Variants in CHSY3 observed in about 807,000 individuals in gnomAD.
CHSY3 encodes the protein chondroitin sulfate synthase 3.
CHSY3 carries 35 observed loss-of-function variants against 67.2 expected under a neutral mutation model. The observed-to-expected ratio is 0.52, with a 90% CI of 0.40 to 0.69. The LOEUF is 0.69. Ranked by LOEUF, CHSY3 falls within the 30% of genes least tolerant of loss-of-function variation. The pLI is 0.00. For missense variants in CHSY3, 1,069 were observed against 1,138.5 expected (o/e 0.94, Z 0.88); for synonymous variants, 474 against 434.7 (o/e 1.09, Z -1.12).
intron 2 of CHSY3, among the ~76,000 whole-genome samples, chr5:129,943,507 G>T (rs189864733): frequency 7.2e-5 from 11 of 152,144 alleles, no homozygotes; most frequent in Admixed American, 6.5e-4. Flanking sequence ...TATTATTATT[G>T]TCAGATATAA....
intron 2 of CHSY3, among the ~76,000 whole-genome samples, chr5:130,046,410 G>A (rs1437932275): frequency 2.0e-5 from 3 of 152,058 alleles, no homozygotes; most frequent in Non-Finnish European, 4.4e-5. Flanking sequence ...AGTTATTAAG[G>A]TGCTTCAAAA....
chr5:130,185,046 T>C lies in CHSY3; in HGVS notation c.1904T>C (p.Leu635Ser), dbSNP rs766510866. 6.3e-7 allele frequency: 1 copy of C among 1,592,664 alleles called. No homozygotes were observed. The highest frequency in any genetic ancestry group is 2.2e-5 in the East Asian group (1 of 44,726). The change falls in exon 3 of 3, where the codon TTG (leucine) becomes TCG (serine). Residue 635 changes from leucine (L) to serine (S), a missense_variant. Leu to Ser is a moderately radical substitution (Grantham distance 145, BLOSUM62 -2). This residue lies in a region of CHSY3 where 401 missense variants were observed against 395.2 expected (regional missense o/e 1.01). Transcript: ENST00000305031. ...CTCATCGGAAGGTATGACATTTTCT[T>C]GAGATTCATGGAGAACTTTGAAAAC... Reference protein sequence around the residue: ...VPLIGRYDIFLRFMENFENMC... With the variant: ...VPLIGRYDIFSRFMENFENMC...
At chr5:129,922,142 G>C (rs144398346) in intron 2 of CHSY3, among the ~76,000 whole-genome samples, 2 of 152,142 alleles carry the variant, frequency 1.3e-5, no homozygotes, top group African/African-American at 4.8e-5. Context: ...TGTTCTATCC[G>C]TGTTGTTGCA....
At chr5:130,149,363 C>A (rs1769168219) in intron 2 of CHSY3, among the ~76,000 whole-genome samples, 2 of 152,114 alleles carry the variant, frequency 1.3e-5, no homozygotes, top group African/African-American at 4.8e-5. Context: ...CTGAGGAGGC[C>A]TCTGTAAACT....
Position 130,185,448 on chromosome 5 carries a change from CA to C in CHSY3, c.2312del (p.Lys771ArgfsTer21). ...CCCACTGATGATTACTTCATATTCT[CA>C]AAAAAGACTGGATTTTGGAGAGACT... ...NPPTDDYFIFSKKTGFWRDYG... is the reference protein window; with the variant it reads ...NPPTDDYFIFXKKTGFWRDYG... On this transcript the variant is annotated frameshift_variant, in exon 3 of 3. Coordinates refer to ENST00000305031, the MANE Select transcript of CHSY3 (RefSeq NM_175856.5). LOFTEE classifies it high-confidence loss of function. 6.2e-7 allele frequency: 1 copy of C among 1,613,838 alleles called. No homozygotes were observed. Among genetic ancestry groups the C allele is most frequent in the Non-Finnish European group, 8.5e-7 (1 of 1,179,862 alleles).
chr5:130,181,135 T>TTGC (rs948540981), intron 2 of CHSY3, among the ~76,000 whole-genome samples: 1 of 152,148 alleles, frequency 6.6e-6, no homozygotes, highest in African/African-American at 2.4e-5. Flanking sequence ...CTGGTGTTCA[T>TTGC]TGCTGCTGTG....
At chr5:130,024,693 A>T (rs1337564857) in intron 2 of CHSY3, among the ~76,000 whole-genome samples, 1 of 152,162 alleles carries the variant, frequency 6.6e-6, no homozygotes, top group African/African-American at 2.4e-5. Flanking sequence ...AATTATTGGT[A>T]AACATGAATA....
intron 2 of CHSY3, among the ~76,000 whole-genome samples, chr5:130,166,341 A>G (rs1162912219): frequency 6.6e-6 from 1 of 152,170 alleles, no homozygotes; most frequent in Non-Finnish European, 1.5e-5. Context: ...ACAGTGAGTC[A>G]CTAGGACACT....
chr5:130,179,186 C>T (rs954157893), intron 2 of CHSY3, among the ~76,000 whole-genome samples: 1 of 152,162 alleles, frequency 6.6e-6, no homozygotes, highest in African/African-American at 2.4e-5. Context: ...TTTTTATCTA[C>T]CTTCCAAAGG....
In CHSY3 at chr5:130,117,770, T is replaced by C. The variant is rs566717473; in HGVS notation, c.1087-66459T>C. 1.7e-4 allele frequency among the ~76,000 whole-genome samples: 26 copies of C among 152,314 alleles called. No individual in the cohort carries two copies. The East Asian group carries it at 5.0e-3, about 29-fold the overall frequency. On this transcript the variant is annotated intron_variant, in intron 2 of 2. Coordinates refer to ENST00000305031, the MANE Select transcript of CHSY3 (RefSeq NM_175856.5). The stretch of plus-strand genomic sequence containing the variant: ...AAACACATCATAAATCTGTTAAATA[T>C]TGATGCTTCCAGATCATTTTTCTTG...
intron 2 of CHSY3, among the ~76,000 whole-genome samples, chr5:130,152,282 A>C (rs1009943085): frequency 6.6e-6 from 1 of 152,230 alleles, no homozygotes; most frequent in Admixed American, 6.5e-5. Flanking sequence ...CATAATCAAA[A>C]TTGTTGACTT....
At chr5:130,067,150 C>T (rs1209821584) in intron 2 of CHSY3, among the ~76,000 whole-genome samples, 1 of 152,152 alleles carries the variant, frequency 6.6e-6, no homozygotes, top group East Asian at 1.9e-4. Flanking sequence ...CTGAAACTCA[C>T]AATTAGGACT....
chr5:130,007,357 C>T (rs2149643904), intron 2 of CHSY3, among the ~76,000 whole-genome samples: 1 of 152,040 alleles, frequency 6.6e-6, no homozygotes, highest in East Asian at 1.9e-4. Context: ...CACTGAGAGG[C>T]CGGACCATCA....
chr5:129,995,899 T>C (rs774928026), intron 2 of CHSY3, among the ~76,000 whole-genome samples: 12 of 152,076 alleles, frequency 7.9e-5, no homozygotes, highest in Non-Finnish European at 1.2e-4. Flanking sequence ...CTCCCATCTT[T>C]ATCTGTCTCT....
intron 2 of CHSY3, among the ~76,000 whole-genome samples, chr5:130,102,149 A>T (rs547356101): frequency 4.3e-4 from 66 of 152,246 alleles, no homozygotes; most frequent in African/African-American, 1.2e-3. Context: ...TAACATTGTT[A>T]ACACATTGAC....
In CHSY3 at chr5:130,184,390, A is replaced by G; in HGVS notation, c.1248A>G (p.Glu416=). Residue 416 remains glutamate (E), a synonymous_variant, in exon 3 of 3, where the codon GAA becomes GAG. Transcript: ENST00000305031. Reference sequence around the variant, plus strand: ...ACATGCTCAGCCGCAAAATTTCTGAACTTCGCTACCGCACCATCCAGCTCC... The same window carrying G: ...ACATGCTCAGCCGCAAAATTTCTGAGCTTCGCTACCGCACCATCCAGCTCC... ...HNYMLSRKIS[E]LRYRTIQLHR... is the part of the protein sequence containing the mutation. 1 of 1,613,970 alleles carries G rather than the reference A, an allele frequency of 6.2e-7. No homozygotes were observed. Among genetic ancestry groups the G allele is most frequent in the South Asian group, 1.1e-5 (1 of 91,084 alleles).
Position 129,908,264 on chromosome 5 carries a change from T to G in CHSY3, c.990T>G (p.Gly330=), listed in dbSNP as rs751549729. 1.2e-6 allele frequency: 2 copies of G among 1,614,046 alleles called. No individual in the cohort carries two copies. The highest frequency in any genetic ancestry group is 2.2e-5 in the South Asian group (2 of 91,072). The part of the protein sequence containing the change: ...EVLRRMVPHI[G]ECLREMYTTH... ...TCAGGAGGATGGTGCCACATATTGG[T>G]GAATGCCTTAGAGAAATGTACACGA... Residue 330 remains glycine, a synonymous_variant, in exon 2 of 3, where the codon GGT becomes GGG. Coordinates refer to ENST00000305031, the MANE Select transcript of CHSY3 (RefSeq NM_175856.5).
intron 2 of CHSY3, among the ~76,000 whole-genome samples, chr5:130,018,299 A>G (rs1226462215): frequency 6.6e-6 from 1 of 152,104 alleles, no homozygotes; most frequent in Non-Finnish European, 1.5e-5. Flanking sequence ...GTAAGTCTTT[A>G]TTTGTCAAAT....
chr5:130,005,858 T>C (rs538340230), intron 2 of CHSY3, among the ~76,000 whole-genome samples: 2 of 152,322 alleles, frequency 1.3e-5, no homozygotes, highest in East Asian at 3.9e-4. Context: ...TTTGGCTATA[T>C]AATACATTAA....
Sources: allele counts gnomAD v4.1 joint callset (sites outside exome capture counted in the v4.1 genomes callset), GRCh38; gene constraint gnomAD v4.1.1; regional missense constraint gnomAD v4.1.1; transcripts MANE v1.5; gene names NCBI Gene and HGNC (gene_info 2026-07-23, HGNC 2026-07-21).